The following COL28A1 variants were observed in gnomAD, a reference collection of about 807,000 sequenced individuals.
The protein encoded by COL28A1 is collagen alpha-1(XXVIII) chain.
In COL28A1, 161 loss-of-function variants were observed where a neutral mutation model predicts 150.2. That is an observed-to-expected ratio of 1.07 (90% CI 0.94 to 1.22). The LOEUF (loss-of-function observed/expected upper bound fraction) is 1.22, where lower values mean the gene tolerates loss of function less well. Ranked by LOEUF, COL28A1 falls within the 50% of genes most tolerant of loss-of-function variation. The pLI is 0.00. For synonymous variants in COL28A1, 552 were observed against 469.7 expected (o/e 1.18, Z -2.26); for missense variants, 1,617 against 1,388.3 (o/e 1.16, Z -2.62).
rs376143897 is a variant in COL28A1 at position 7,490,582 on chromosome 7, A to T, written c.1091T>A (p.Ile364Asn). ...PGAPGIGQQG[I>N]KGERGQEGRP... is the part of the protein sequence containing the mutation. Reference sequence around the variant, plus strand: ...CAAAAAGACAAGTATCTTTACCTTAATACCTTGCTGTCCAATTCCAGGAGC... The same window carrying T: ...CAAAAAGACAAGTATCTTTACCTTATTACCTTGCTGTCCAATTCCAGGAGC... The change falls in exon 12 of 35, where the codon ATT becomes AAT. Residue 364 changes from isoleucine (I) to asparagine (N), a missense_variant. By Grantham distance (149) the Ile-to-Asn change is moderately radical. Transcript: ENST00000399429. The T allele has an allele frequency of 7.9e-7, 1 of 1,264,316 alleles. No homozygotes were observed. The highest frequency in any genetic ancestry group is 1.7e-5 in the Admixed American group (1 of 59,246). The allele number at this position is 1,264,316 out of a possible 1,614,324, so 78.3% of individuals were successfully genotyped here.
At chr7:7,542,756 T>C in the COL28A1 span, among the ~76,000 whole-genome samples, 2 of 152,224 alleles carry the variant, frequency 1.3e-5, no homozygotes, top group African/African-American at 4.8e-5. Flanking sequence ...CTCTGATTGC[T>C]GTGTGAATAA....
At chr7:7,519,019 A>G (rs1022660519) in intron 6 of COL28A1, among the ~76,000 whole-genome samples, 1 of 152,152 alleles carries the variant, frequency 6.6e-6, no homozygotes, top group Non-Finnish European at 1.5e-5. Flanking sequence ...ATTTCCTGAT[A>G]TTTCTATTTC....
At chr7:7,343,924 C>T in the COL28A1 span, among the ~76,000 whole-genome samples, 11 of 151,952 alleles carry the variant, frequency 7.2e-5, no homozygotes, top group African/African-American at 2.2e-4. Context: ...GGGAGGATAG[C>T]TTGAGCCCTG....
chr7:7,395,945 T>C lies in COL28A1; in HGVS notation c.2137-14333A>G, dbSNP rs188176237. On this transcript the variant is annotated intron_variant, in intron 27 of 34. Coordinates refer to ENST00000399429, the MANE Select transcript of COL28A1 (RefSeq NM_001037763.3). Reference sequence around the variant, plus strand: ...AAATAAAACAGCCAGGATTAAGATGTTGACTTAGTGGGTTAATAACAGTTA... The same window carrying C: ...AAATAAAACAGCCAGGATTAAGATGCTGACTTAGTGGGTTAATAACAGTTA... 4.3e-4 allele frequency among the ~76,000 whole-genome samples: 65 copies of C among 152,318 alleles called. 1 individual carries two copies. Among genetic ancestry groups the C allele is most frequent in the African/African-American group, 1.5e-3 (61 of 41,566 alleles).
At chr7:7,400,303 A>G in intron 27 of COL28A1, among the ~76,000 whole-genome samples, 1 of 152,296 alleles carries the variant, frequency 6.6e-6, no homozygotes, top group East Asian at 1.9e-4. Context: ...TCTAAGAGCA[A>G]GGCAGAGGGA....
At chr7:7,515,970 A>G (rs1781394053) in intron 7 of COL28A1, 130 bp from the exon 8 acceptor site, 2 of 584,336 alleles carry the variant, frequency 3.4e-6, no homozygotes, top group Non-Finnish European at 6.1e-6. Context: ...AGATCATAGA[A>G]ATGTAAACTG....
In COL28A1 at chr7:7,506,005, TA is replaced by T; in HGVS notation, c.1026+8del. On this transcript the variant is annotated splice_region_variant and intron_variant, in intron 11 of 34. Coordinates refer to ENST00000399429, the MANE Select transcript of COL28A1 (RefSeq NM_001037763.3). ...ACTCTGCCTGTCTTTAATCAAAGGG[TA>T]AGATTACCTTATTGCCTTGAAACCC... 8.0e-7 allele frequency: 1 copy of T among 1,246,210 alleles called. No homozygotes were observed. Among genetic ancestry groups the T allele is most frequent in the Non-Finnish European group, 1.2e-6 (1 of 843,796 alleles). 77.2% of individuals were successfully genotyped at this position (1,246,210 alleles called of 1,614,324 possible). A position where few individuals can be genotyped will look rare whatever the true frequency, so the allele number is the denominator to read the frequency against.
intron 10 of COL28A1, 45 bp downstream of exon 10, chr7:7,507,072 C>T (rs1780850569): frequency 1.1e-6 from 1 of 891,350 alleles, no homozygotes; most frequent in Non-Finnish European, 1.9e-6. Context: ...AAAAACTCCC[C>T]AGGTGATTCT....
In COL28A1 at chr7:7,373,541, C is replaced by T. The variant is rs761475289; in HGVS notation, c.2365G>A (p.Gly789Arg). Residue 789 changes from glycine to arginine, a missense_variant, in exon 32 of 35, where the codon GGG (glycine) becomes AGG (arginine). By Grantham distance (125) the Gly-to-Arg change is moderately radical. Coordinates refer to ENST00000399429, the MANE Select transcript of COL28A1 (RefSeq NM_001037763.3). The surrounding 1 kb of genome is among the most constrained non-coding windows in gnomAD (Gnocchi z 4.1). ...AGTGGAGTCTCTTTGCATTTGGGCC[C>T]ACAACCTAAAAGATGAATGTTGAGA... ...IKLITEICGC[G>R]PKCKETPLEL... is the part of the protein sequence containing the mutation. The T allele has an allele frequency of 3.1e-6, 5 of 1,607,400 alleles. No homozygotes were observed. Among genetic ancestry groups the T allele is most frequent in the Admixed American group, 1.7e-5 (1 of 59,798 alleles).
At chr7:7,459,502 T>C (rs993002008) in intron 15 of COL28A1, among the ~76,000 whole-genome samples, 1 of 152,252 alleles carries the variant, frequency 6.6e-6, no homozygotes, top group Admixed American at 6.5e-5. Flanking sequence ...TAATATAATA[T>C]ACAATATAAT....
intron 13 of COL28A1, among the ~76,000 whole-genome samples, chr7:7,485,957 T>C (rs1429337050): frequency 6.6e-6 from 1 of 152,216 alleles, no homozygotes; most frequent in Non-Finnish European, 1.5e-5. Flanking sequence ...CCTTTCCATA[T>C]TAATTTTAAA....
chr7:7,441,294 C>T (rs931355691), intron 20 of COL28A1, among the ~76,000 whole-genome samples: 1 of 152,024 alleles, frequency 6.6e-6, no homozygotes, highest in Non-Finnish European at 1.5e-5. Flanking sequence ...CTATTTCGTC[C>T]TCACTGGGGA....
chr7:7,438,010 G>A (rs926406969), intron 21 of COL28A1, among the ~76,000 whole-genome samples: 2 of 151,960 alleles, frequency 1.3e-5, no homozygotes, highest in Non-Finnish European at 2.9e-5. Flanking sequence ...GAGGCTGGCG[G>A]ATCACTTGAG....
At chr7:7,448,021 A>G (rs1786400049) in intron 18 of COL28A1, among the ~76,000 whole-genome samples, 1 of 152,196 alleles carries the variant, frequency 6.6e-6, no homozygotes, top group African/African-American at 2.4e-5. Context: ...AGTCAAGAGC[A>G]TGCCACTGCA....
chr7:7,389,500 G>A (rs1383673351), intron 27 of COL28A1, among the ~76,000 whole-genome samples: 2 of 152,234 alleles, frequency 1.3e-5, no homozygotes, highest in Middle Eastern at 3.4e-3. Flanking sequence ...GATTCCATAA[G>A]ATATTTAAAG....
At position 7,515,349 on chromosome 7, in the gene COL28A1, C is replaced by T. The variant is rs1401837608; in HGVS notation, c.882+465G>A. Among the ~76,000 whole-genome samples the T allele has an allele frequency of 2.0e-5, 3 of 152,180 alleles. No homozygotes were observed. The East Asian group carries it at 5.8e-4, about 29-fold the overall frequency. ...TTTGCCAAATTTACTCCCCTGCAAGCTCTACCCAATTGGCTGACTCAGTGA... is the reference window on the plus strand; with the variant it reads ...TTTGCCAAATTTACTCCCCTGCAAGTTCTACCCAATTGGCTGACTCAGTGA... On this transcript the variant is annotated intron_variant, in intron 8 of 34. Coordinates refer to ENST00000399429, the MANE Select transcript of COL28A1 (RefSeq NM_001037763.3).
chr7:7,421,118 G>C (rs1784372689), intron 25 of COL28A1, among the ~76,000 whole-genome samples: 1 of 152,190 alleles, frequency 6.6e-6, no homozygotes. Context: ...AATGGACAAA[G>C]TGCTGTAAAT....
intron 5 of COL28A1, 114 bp downstream of exon 5, chr7:7,521,784 TCCTCCCA>T: frequency 2.9e-6 from 2 of 697,116 alleles, no homozygotes; most frequent in Admixed American, 2.2e-5. Context: ...TTTCCATTTT[TCCTCCCA>T]TTTCCAAACA....
At chr7:7,458,017 G>C (rs1275426046) in intron 15 of COL28A1, among the ~76,000 whole-genome samples, 4 of 152,178 alleles carry the variant, frequency 2.6e-5, no homozygotes, top group Admixed American at 2.6e-4. Flanking sequence ...ATAATATATA[G>C]TGAACAAGTA....
Sources: allele counts gnomAD v4.1 joint callset (sites outside exome capture counted in the v4.1 genomes callset), GRCh38; gene constraint gnomAD v4.1.1; non-coding constraint Gnocchi (gnomAD v3.1); transcripts MANE v1.5; gene names NCBI Gene and HGNC (gene_info 2026-07-23, HGNC 2026-07-21).